HGF: variants seen among roughly 807,000 people sequenced by gnomAD.
HGF encodes fibroblast-derived tumor cytotoxic factor.
A neutral mutation model predicts 111.6 loss-of-function variants in HGF; 39 were observed. The ratio of observed to expected loss-of-function variants is 0.35; its 90% CI spans 0.27 to 0.46. The LOEUF (loss-of-function observed/expected upper bound fraction) is 0.46, where lower values mean the gene tolerates loss of function less well. Ranked by LOEUF, HGF falls within the 20% of genes least tolerant of loss-of-function variation. HGF has a pLI of 1.00. For synonymous variants in HGF, 285 were observed against 294.8 expected, an observed-to-expected ratio of 0.97 and a Z score of 0.34; for missense variants, 735 against 910.5, an observed-to-expected ratio of 0.81 and a Z score of 2.48.
rs1228553344 is a variant in HGF, at chr7:81,700,791, A to G, written c.*1790T>C. 1 of 151,524 alleles carries G rather than the reference A, an allele frequency of 6.6e-6. No individual in the cohort carries two copies. Among genetic ancestry groups the G allele is most frequent in the Non-Finnish European group, 1.5e-5 (1 of 67,620 alleles). The allele number at this position is 151,524 out of a possible 1,614,324, so 9.4% of individuals were successfully genotyped here. ...ACTTTAAGTTTCTTGATGCCAGCAC[A>G]TATCTTATTATGAAAAAAAAATTGT... On this transcript the variant is annotated 3_prime_UTR_variant, in exon 18 of 18. Transcript: ENST00000222390.
chr7:81,763,049 A>G (rs1324546128), intron 1 of HGF, 177 bp from the exon 2 acceptor site: 2 of 585,228 alleles, frequency 3.4e-6, no homozygotes, highest in Non-Finnish European at 6.0e-6. Flanking sequence ...AGAGAGGAAT[A>G]TTGTAATCAA....
chr7:81,758,959 C>A (rs1035352077), intron 2 of HGF, among the ~76,000 whole-genome samples, 155 bp from the exon 3 acceptor site: 1 of 151,968 alleles, frequency 6.6e-6, no homozygotes, highest in Admixed American at 6.5e-5. Context: ...AAAATTTGAA[C>A]CTACCATTTT....
intron 9 of HGF, among the ~76,000 whole-genome samples, chr7:81,725,546 T>C (rs1029606568): frequency 6.6e-6 from 1 of 152,228 alleles, no homozygotes; most frequent in Admixed American, 6.5e-5. Flanking sequence ...CATTTTTCTC[T>C]CTACTGCTTA....
intron 9 of HGF, among the ~76,000 whole-genome samples, chr7:81,725,341 T>A (rs1188754669): frequency 6.6e-6 from 1 of 152,188 alleles, no homozygotes; most frequent in Non-Finnish European, 1.5e-5. Flanking sequence ...CAGAACTCCC[T>A]CATCTCACAC....
rs771437724 is a variant in HGF at position 81,707,308 on chromosome 7, C to A, written c.1598G>T (p.Arg533Leu). The stretch of plus-strand genomic sequence containing the variant: ...ACTTTACCGAGAAGGGAAACACTGT[C>A]GTGCAGTAAGAACCCAACTCTCCTT... ...LIKESWVLTARQCFPSRDLKD... is the reference protein window; with the variant it reads ...LIKESWVLTALQCFPSRDLKD... Residue 533 changes from arginine to leucine, a missense_variant, in exon 14 of 18, where the codon CGA becomes CTA. Transcript: ENST00000222390. The A allele has an allele frequency of 6.3e-7, 1 of 1,593,184 alleles. No individual in the cohort carries two copies. Among genetic ancestry groups the A allele is most frequent in the East Asian group, 2.2e-5 (1 of 44,676 alleles).
Position 81,729,679 on chromosome 7 carries a change from A to T in HGF, c.966T>A (p.Asn322Lys), listed in dbSNP as rs1286054197. 2 of 1,613,826 alleles carry T rather than the reference A, an allele frequency of 1.2e-6. No individual in the cohort carries two copies. Among genetic ancestry groups the T allele is most frequent in the Non-Finnish European group, 1.7e-6 (2 of 1,179,854 alleles). The change falls in exon 8 of 18, where the codon AAT becomes AAA. Residue 322 changes from asparagine to lysine, a missense_variant. Physicochemically the swap from Asn to Lys is moderately conservative, Grantham distance 94. Transcript: ENST00000222390. ...GYRGTVNTIW[N>K]GIPCQRWDSQ... Reference sequence around the variant, plus strand: ...AATCCCAACGCTGACATGGAATTCCATTCCAAATGGTATTGACAGTGCCCC... The same window carrying T: ...AATCCCAACGCTGACATGGAATTCCTTTCCAAATGGTATTGACAGTGCCCC...
At chr7:81,752,359 G>A in intron 4 of HGF, 97 bp from the exon 5 acceptor site, 1 of 959,322 alleles carries the variant, frequency 1.0e-6, no homozygotes, top group Non-Finnish European at 1.7e-6. Flanking sequence ...GCTGAAGGTA[G>A]AAAAATCCTT....
At chr7:81,759,494 A>G (rs538559781) in intron 2 of HGF, among the ~76,000 whole-genome samples, 1 of 152,236 alleles carries the variant, frequency 6.6e-6, no homozygotes, top group African/African-American at 2.4e-5. Flanking sequence ...AGGTTTGCTT[A>G]TATAAGCATT....
intron 17 of HGF, among the ~76,000 whole-genome samples, chr7:81,704,773 C>G (rs1583912513): frequency 6.6e-6 from 1 of 151,762 alleles, no homozygotes; most frequent in Admixed American, 6.6e-5. Flanking sequence ...CATTCAAAAT[C>G]TAACTAAACT....
intron 8 of HGF, among the ~76,000 whole-genome samples, chr7:81,726,568 T>A (rs914337823): frequency 6.6e-6 from 1 of 152,206 alleles, no homozygotes; most frequent in Admixed American, 6.5e-5. Flanking sequence ...ATGCATTGAT[T>A]TATTTTAATT....
intron 3 of HGF, among the ~76,000 whole-genome samples, chr7:81,758,247 C>A (rs926801262): frequency 1.3e-5 from 2 of 151,596 alleles, no homozygotes; most frequent in Non-Finnish European, 2.9e-5. Context: ...CTCATTTCTC[C>A]AAAATCTCCA....
chr7:81,737,261 C>T (rs1032401029), intron 7 of HGF, among the ~76,000 whole-genome samples: 1 of 151,982 alleles, frequency 6.6e-6, no homozygotes, highest in Non-Finnish European at 1.5e-5. Flanking sequence ...CCCATCTCCC[C>T]TTTACAGGAT....
intron 8 of HGF, among the ~76,000 whole-genome samples, chr7:81,727,841 G>A (rs1245959097): frequency 4.6e-5 from 7 of 152,144 alleles, no homozygotes; most frequent in Admixed American, 1.3e-4. Context: ...TGTATTAGAA[G>A]CACCTCAATC....
At position 81,770,045 on chromosome 7, in the gene HGF, C is replaced by G. The variant is rs1369740945; in HGVS notation, c.-74G>C. 4 of 1,063,800 alleles carry G rather than the reference C, an allele frequency of 3.8e-6. No homozygotes were observed. Among genetic ancestry groups the G allele is most frequent in the Non-Finnish European group, 5.6e-6 (4 of 709,772 alleles). The allele number at this position is 1,063,800 out of a possible 1,614,324, so 65.9% of individuals were successfully genotyped here. A position where few individuals can be genotyped will look rare whatever the true frequency, so the allele number is the denominator to read the frequency against. On this transcript the variant is annotated 5_prime_UTR_variant, in exon 1 of 18. Transcript: ENST00000222390. ...GAAAGAATCCTGTTCGGAGTCAGTG[C>G]CTAAAAGAGCCAGTCGGCTCTGAGC...
chr7:81,715,837 G>T (rs1789696836), intron 11 of HGF, among the ~76,000 whole-genome samples: 2 of 152,142 alleles, frequency 1.3e-5, no homozygotes, highest in South Asian at 4.1e-4. Flanking sequence ...TATTTTTGCT[G>T]CTGTTCTCAA....
chr7:81,743,936 T>C (rs961288106), intron 6 of HGF, among the ~76,000 whole-genome samples: 1 of 152,170 alleles, frequency 6.6e-6, no homozygotes, highest in African/African-American at 2.4e-5. Flanking sequence ...CACCAGATCA[T>C]GAGACAAACT....
intron 11 of HGF, among the ~76,000 whole-genome samples, chr7:81,715,800 T>C (rs1315678388): frequency 6.6e-6 from 1 of 152,200 alleles, no homozygotes; most frequent in African/African-American, 2.4e-5. Context: ...TTATTATTTC[T>C]TCAATTTAAT....
intron 1 of HGF, among the ~76,000 whole-genome samples, chr7:81,767,069 C>T (rs576703438): frequency 6.6e-6 from 1 of 152,080 alleles, no homozygotes; most frequent in Admixed American, 6.6e-5. Context: ...CACTTGTGAT[C>T]CTGTGCTAAG....
At chr7:81,724,100 G>A (rs1789946180) in intron 9 of HGF, among the ~76,000 whole-genome samples, 1 of 152,090 alleles carries the variant, frequency 6.6e-6, no homozygotes, top group East Asian at 1.9e-4. Context: ...ACACACCAAA[G>A]GTTTATCAAA....
Sources: allele counts gnomAD v4.1 joint callset (sites outside exome capture counted in the v4.1 genomes callset), GRCh38; gene constraint gnomAD v4.1.1; transcripts MANE v1.5; gene names NCBI Gene and HGNC (gene_info 2026-07-23, HGNC 2026-07-21).